Variants in BUB1 observed in about 807,000 individuals in gnomAD.
The protein encoded by BUB1 is BUB1 mitotic checkpoint serine/threonine kinase.
BUB1 carries 84 observed loss-of-function variants against 135.2 expected under a neutral mutation model. The observed-to-expected ratio is 0.62, with a 90% CI of 0.52 to 0.74. The LOEUF (loss-of-function observed/expected upper bound fraction) is 0.74, where lower values mean the gene tolerates loss of function less well. Ranked by LOEUF, BUB1 falls within the 30% of genes least tolerant of loss-of-function variation. The probability of loss-of-function intolerance (pLI) is 0.00; values close to 1 mark genes in which losing one functional copy is unlikely to be tolerated. For synonymous variants in BUB1, 403 were observed against 434.4 expected (o/e 0.93, Z 0.90); for missense variants, 1,162 against 1,288.3 (o/e 0.90, Z 1.50).
rs748392521 is a variant in BUB1, at chr2:110,641,794, G to C, written c.2473C>G (p.Pro825Ala). 1 of 1,603,484 alleles carries C rather than the reference G, an allele frequency of 6.2e-7. No homozygotes were observed. Residue 825 changes from proline (P) to alanine (A), a missense_variant, in exon 21 of 25, where the codon CCT becomes GCT. Coordinates refer to ENST00000302759, the MANE Select transcript of BUB1 (RefSeq NM_004336.5). The part of the protein sequence containing the change: ...KQKFVLKVQK[P>A]ANPWEFYIGT... ...ATGTAGAATTCCCAGGGGTTGGCAGGCTTTTGGACCTGCAAATCAGGTATG... is the reference window on the plus strand; with the variant it reads ...ATGTAGAATTCCCAGGGGTTGGCAGCCTTTTGGACCTGCAAATCAGGTATG...
At chr2:110,646,989 G>T (rs553615574) in intron 19 of BUB1, among the ~76,000 whole-genome samples, 109 of 152,228 alleles carry the variant, frequency 7.2e-4, no homozygotes, top group African/African-American at 2.5e-3. Flanking sequence ...CCACAAAAGA[G>T]AAATAGATAA....
chr2:110,677,661 G>A (rs1690627611), intron 1 of BUB1, among the ~76,000 whole-genome samples: 1 of 152,226 alleles, frequency 6.6e-6, no homozygotes, highest in Non-Finnish European at 1.5e-5. Context: ...TTTTTGTTAG[G>A]TTGAACTGTC....
chr2:110,667,905 C>A, intron 6 of BUB1, 56 bp from the exon 7 acceptor site: 1 of 1,533,548 alleles, frequency 6.5e-7, no homozygotes, highest in South Asian at 1.2e-5. Flanking sequence ...AAGCTTCACC[C>A]AAATTACTTC....
At position 110,641,799 on chromosome 2, in the gene BUB1, T is replaced by C; in HGVS notation, c.2468A>G (p.Gln823Arg). 1 of 1,602,620 alleles carries C rather than the reference T, an allele frequency of 6.2e-7. No individual in the cohort carries two copies. The highest frequency in any genetic ancestry group is 8.5e-7 in the Non-Finnish European group (1 of 1,179,300). The change falls in exon 21 of 25, where the codon CAA becomes CGA. Residue 823 changes from glutamine to arginine, a missense_variant. Coordinates refer to ENST00000302759, the MANE Select transcript of BUB1 (RefSeq NM_004336.5). ...KNKQKFVLKVQKPANPWEFYI... is the reference protein window; with the variant it reads ...KNKQKFVLKVRKPANPWEFYI... ...GAATTCCCAGGGGTTGGCAGGCTTT[T>C]GGACCTGCAAATCAGGTATGTGAAA...
At chr2:110,649,836 C>CA (rs1464498663) in intron 18 of BUB1, among the ~76,000 whole-genome samples, 1 of 152,162 alleles carries the variant, frequency 6.6e-6, no homozygotes, top group Non-Finnish European at 1.5e-5. Context: ...TTTGGGTCCA[C>CA]AAAAGAGAAA....
intron 1 of BUB1, among the ~76,000 whole-genome samples, chr2:110,677,594 A>G (rs1690625596): frequency 6.6e-6 from 1 of 152,248 alleles, no homozygotes; most frequent in Non-Finnish European, 1.5e-5. Context: ...CTGTAGTCGA[A>G]TTGTTAAATA....
Position 110,650,562 on chromosome 2 carries a change from C to A in BUB1, c.2187G>T (p.Gly729=), listed in dbSNP as rs557116866. 1.9e-6 allele frequency: 3 copies of A among 1,613,586 alleles called. No individual in the cohort carries two copies. The African/African-American group carries it at 4.0e-5, about 22-fold the overall frequency. ...TGTTCGTACTTGGAGCATCAACAGT[C>A]CCAAGTGAACTCATCTGCATCCATT... is the stretch of plus-strand genomic sequence containing the variant. ...QAEWMQMSSL[G]TVDAPNFIVG... The change falls in exon 18 of 25, where the codon GGG becomes GGT. Residue 729 remains glycine, a synonymous_variant. Coordinates refer to ENST00000302759, the MANE Select transcript of BUB1 (RefSeq NM_004336.5).
chr2:110,654,922 C>T (rs1689886686), intron 16 of BUB1, among the ~76,000 whole-genome samples: 1 of 152,128 alleles, frequency 6.6e-6, no homozygotes, highest in African/African-American at 2.4e-5. Context: ...ACAGTCAGCC[C>T]TCTGTATTCA....
chr2:110,644,058 C>CAAAAAAAAAAAAAAAAAAAAAAAAAAGAA (rs58393999), intron 19 of BUB1, among the ~76,000 whole-genome samples: 5 of 39,676 alleles, frequency 1.3e-4, no homozygotes, highest in Non-Finnish European at 1.7e-4. Context: ...AACTGAAATG[C>CAAAAAAAAAAAAAAAAAAAAAAAAAAGAA]AAAAAAAAAA....
chr2:110,647,658 A>AT (rs1689677675), intron 19 of BUB1, among the ~76,000 whole-genome samples: 1 of 152,182 alleles, frequency 6.6e-6, no homozygotes, highest in Admixed American at 6.6e-5. Context: ...ACTTATAGGT[A>AT]ATAAACTATG....
chr2:110,646,851 T>C (rs1689658218), intron 19 of BUB1, among the ~76,000 whole-genome samples: 1 of 151,844 alleles, frequency 6.6e-6, no homozygotes, highest in Admixed American at 6.6e-5. Flanking sequence ...AAAGAGCAAA[T>C]TAAAACTAAA....
At chr2:110,677,830 C>A in intron 1 of BUB1, 140 bp downstream of exon 1, 1 of 1,011,678 alleles carries the variant, frequency 9.9e-7, no homozygotes. Context: ...AAGCAGCCCA[C>A]GGCCTTGCTG....
At chr2:110,667,984 A>T (rs1411280158) in intron 6 of BUB1, 135 bp from the exon 7 acceptor site, 1 of 700,178 alleles carries the variant, frequency 1.4e-6, no homozygotes, top group Non-Finnish European at 2.4e-6. Context: ...GTAATTTTAA[A>T]TTATGATTAA....
chr2:110,642,087 A>C (rs750176266), intron 20 of BUB1, 32 bp downstream of exon 20: 1 of 1,489,166 alleles, frequency 6.7e-7, no homozygotes, highest in African/African-American at 1.4e-5. Flanking sequence ...ATTCATTTCT[A>C]TATCATACAA....
At chr2:110,674,495 A>T in intron 1 of BUB1, 130 bp from the exon 2 acceptor site, 1 of 755,006 alleles carries the variant, frequency 1.3e-6, no homozygotes, top group Non-Finnish European at 2.2e-6. Context: ...TTTTATATAT[A>T]CACCATTTAT....
intron 17 of BUB1, among the ~76,000 whole-genome samples, chr2:110,651,363 G>A (rs1430672355): frequency 6.6e-6 from 1 of 151,596 alleles, no homozygotes; most frequent in East Asian, 1.9e-4. Context: ...TTGTGTGGTC[G>A]TTTTTAACAA....
intron 3 of BUB1, among the ~76,000 whole-genome samples, chr2:110,673,578 A>G (rs751542977): frequency 9.3e-5 from 14 of 151,018 alleles, no homozygotes; most frequent in Non-Finnish European, 1.8e-4. Flanking sequence ...AGAAGTCCGC[A>G]CATACTTTTT....
intron 17 of BUB1, 106 bp from the exon 18 acceptor site, chr2:110,650,890 A>G: frequency 9.4e-7 from 1 of 1,060,102 alleles, no homozygotes; most frequent in Non-Finnish European, 1.4e-6. Context: ...ACATTTCACA[A>G]TAGCCTCACA....
chr2:110,654,934 A>G (rs1481101081), intron 16 of BUB1, among the ~76,000 whole-genome samples: 5 of 152,192 alleles, frequency 3.3e-5, no homozygotes, highest in Non-Finnish European at 7.3e-5. Context: ...CTGTATTCAC[A>G]GGTTCCATAT....
Sources: gnomAD v4.1 joint callset for allele counts (sites outside exome capture counted in the v4.1 genomes callset) on GRCh38, gnomAD v4.1.1 for gene constraint, MANE v1.5 for transcripts, NCBI Gene and HGNC (gene_info 2026-07-23, HGNC 2026-07-21) for gene names.